Variants in PDGFRA observed in about 807,000 individuals in gnomAD.
The protein encoded by PDGFRA is platelet-derived growth factor receptor alpha.
PDGFRA carries 25 observed loss-of-function variants against 121.5 expected under a neutral mutation model. The observed-to-expected ratio is 0.21, with a 90% CI of 0.15 to 0.29. The LOEUF is 0.29. PDGFRA is among the 10% of genes least tolerant of loss of function. The pLI is 1.00. For synonymous variants in PDGFRA, 463 were observed against 494.8 expected, an observed-to-expected ratio of 0.94 and a Z score of 0.85; for missense variants, 1,008 against 1,345.1, an observed-to-expected ratio of 0.75 and a Z score of 3.92.
At chr4:54,235,936 G>T (rs1238575324) in intron 1 of PDGFRA, among the ~76,000 whole-genome samples, 1 of 152,254 alleles carries the variant, frequency 6.6e-6, no homozygotes, top group Non-Finnish European at 1.5e-5. Context: ...TCAGATTTGG[G>T]ATCAGTGGCT....
intron 2 of PDGFRA, 25 bp downstream of exon 2, chr4:54,258,842 T>A: frequency 1.6e-5 from 25 of 1,604,732 alleles, no homozygotes; most frequent in Non-Finnish European, 2.1e-5. Context: ...CCTCTCTGAG[T>A]TCCTTGTTTG....
At chr4:54,287,334 GTTA>G in intron 18 of PDGFRA, 93 bp from the exon 19 acceptor site, 1 of 770,584 alleles carries the variant, frequency 1.3e-6, no homozygotes, top group Non-Finnish European at 2.4e-6. Context: ...ATTAGCACAA[GTTA>G]TTAAGAGCCC....
intron 1 of PDGFRA, among the ~76,000 whole-genome samples, chr4:54,243,163 G>T (rs956221144): frequency 6.6e-6 from 1 of 152,184 alleles, no homozygotes; most frequent in African/African-American, 2.4e-5. Flanking sequence ...GAACATCGTT[G>T]CAGTGAAATG....
chr4:54,240,025 A>ATTT, intron 1 of PDGFRA: 1 of 417,736 alleles, frequency 2.4e-6, no homozygotes, highest in Non-Finnish European at 4.8e-6. Flanking sequence ...TAAATTTTGT[A>ATTT]TTTTTTTTGT....
intron 3 of PDGFRA, 138 bp from the exon 4 acceptor site, chr4:54,263,529 G>A (rs1722863744): frequency 3.6e-6 from 3 of 829,726 alleles, no homozygotes; most frequent in African/African-American, 3.4e-5. Context: ...AATGCCAGTG[G>A]GGCAATTCTT....
chr4:54,274,694 T>G (rs951514106), intron 11 of PDGFRA, 69 bp downstream of exon 11: 2 of 1,460,372 alleles, frequency 1.4e-6, no homozygotes, highest in African/African-American at 2.8e-5. Context: ...CCTAGTTCAG[T>G]GCTTGGCACA....
chr4:54,296,387 C>G lies in PDGFRA; in HGVS notation c.*1115C>G. 5.8e-6 allele frequency: 1 copy of G among 173,758 alleles called. No homozygotes were observed. The highest frequency in any genetic ancestry group is 1.2e-5 in the Non-Finnish European group (1 of 86,468). 10.8% of individuals were successfully genotyped at this position (173,758 alleles called of 1,614,324 possible). ...CAGAAGTTTTTTTTTTTTTTTTCTT[C>G]ATGCCTGATGAAAGCTTTGGCGACC... is the stretch of plus-strand genomic sequence containing the variant. On this transcript the variant is annotated 3_prime_UTR_variant, in exon 23 of 23. Transcript: ENST00000257290.
At chr4:54,275,107 A>T in intron 12 of PDGFRA, 134 bp downstream of exon 12, 1 of 904,206 alleles carries the variant, frequency 1.1e-6, no homozygotes, top group South Asian at 1.4e-5. Flanking sequence ...GCTTTCAGAA[A>T]TACATTTCTG....
chr4:54,256,257 A>G (rs749525776), intron 1 of PDGFRA, among the ~76,000 whole-genome samples: 1 of 151,876 alleles, frequency 6.6e-6, no homozygotes, highest in Non-Finnish European at 1.5e-5. Flanking sequence ...TTTTTTTGTG[A>G]TGGAGTCTTG....
chr4:54,294,248 G>A (rs907577385), intron 22 of PDGFRA, among the ~76,000 whole-genome samples: 7 of 151,978 alleles, frequency 4.6e-5, no homozygotes, highest in African/African-American at 9.6e-5. Flanking sequence ...CACGGGGGTC[G>A]GGGAAGGCTG....
At chr4:54,265,660 G>A (rs950825901) in intron 5 of PDGFRA, among the ~76,000 whole-genome samples, 1 of 152,220 alleles carries the variant, frequency 6.6e-6, no homozygotes. Context: ...AAGAAGGGAG[G>A]AGGGGAGATG....
chr4:54,229,508 G>T, intron 1 of PDGFRA, 93 bp downstream of exon 1: 1 of 379,684 alleles, frequency 2.6e-6, no homozygotes, highest in Non-Finnish European at 4.6e-6. Flanking sequence ...CAAACTTTGG[G>T]CGACAAGAAA....
At chr4:54,293,757 G>T (rs1724742703) in intron 22 of PDGFRA, among the ~76,000 whole-genome samples, 1 of 152,126 alleles carries the variant, frequency 6.6e-6, no homozygotes, top group Non-Finnish European at 1.5e-5. Context: ...GCACCAAGGT[G>T]GAGCTAATGC....
intron 17 of PDGFRA, 51 bp from the exon 18 acceptor site, chr4:54,285,790 A>G (rs776340525): frequency 2.2e-5 from 29 of 1,320,294 alleles, no homozygotes; most frequent in African/African-American, 1.2e-4. Context: ...GGGTGATGCT[A>G]TTCAGCTACA....
rs200943291 is a variant in PDGFRA, at chr4:54,246,097, G to C, written c.-12-12660G>C. The stretch of plus-strand genomic sequence containing the variant: ...CCTGAGTGACCTACAAAGAGACTTA[G>C]ACTCCCACACAATAATAATTGGAGA... On this transcript the variant is annotated intron_variant, in intron 1 of 22. Transcript: ENST00000257290. Among the ~76,000 whole-genome samples, 4 of 152,260 alleles carry C rather than the reference G, an allele frequency of 2.6e-5. No homozygotes were observed. The Middle Eastern group carries it at 0.01, about 388-fold the overall frequency.
chr4:54,237,983 T>C (rs1445616945), intron 1 of PDGFRA, among the ~76,000 whole-genome samples: 1 of 152,218 alleles, frequency 6.6e-6, no homozygotes, highest in Non-Finnish European at 1.5e-5. Context: ...TTTGGGTCAT[T>C]TGCAAAACCT....
At chr4:54,287,628 C>T (rs1431220072) in intron 19 of PDGFRA, 87 bp downstream of exon 19, 1 of 771,184 alleles carries the variant, frequency 1.3e-6, no homozygotes, top group Non-Finnish European at 2.4e-6. Context: ...AGGATGTAGA[C>T]AGTGTTAAGA....
intron 1 of PDGFRA, among the ~76,000 whole-genome samples, chr4:54,245,730 A>G (rs1721611642): frequency 6.6e-6 from 1 of 152,224 alleles, no homozygotes; most frequent in African/African-American, 2.4e-5. Flanking sequence ...CTTTAAATGT[A>G]AATGGACTAA....
At chr4:54,246,303 C>T (rs535799073) in intron 1 of PDGFRA, among the ~76,000 whole-genome samples, 39 of 152,252 alleles carry the variant, frequency 2.6e-4, no homozygotes, top group African/African-American at 8.2e-4. Flanking sequence ...CCAAAATTGA[C>T]CACATAGTTG....
Sources: allele counts gnomAD v4.1 joint callset (sites outside exome capture counted in the v4.1 genomes callset), GRCh38; gene constraint gnomAD v4.1.1; transcripts MANE v1.5; gene names NCBI Gene and HGNC (gene_info 2026-07-23, HGNC 2026-07-21).